Variants in PTCHD4 observed in about 807,000 individuals in gnomAD.
PTCHD4 encodes patched domain-containing protein 4.
Under a neutral mutation model 58.1 loss-of-function variants are expected in PTCHD4, and 33 were observed. The observed-to-expected ratio is 0.57, with a 90% CI of 0.43 to 0.76. The LOEUF (loss-of-function observed/expected upper bound fraction) is 0.76, where lower values mean the gene tolerates loss of function less well. PTCHD4 is among the 30% of genes least tolerant of loss of function. The probability of loss-of-function intolerance (pLI) is 0.00; values close to 1 mark genes in which losing one functional copy is unlikely to be tolerated. For synonymous variants in PTCHD4, 478 were observed against 409.6 expected, an observed-to-expected ratio of 1.17 and a Z score of -2.02; for missense variants, 1,058 against 1,027.1, an observed-to-expected ratio of 1.03 and a Z score of -0.41.
intron 1 of PTCHD4, among the ~76,000 whole-genome samples, chr6:48,088,820 G>GA (rs1765310128): frequency 6.6e-6 from 1 of 152,114 alleles, no homozygotes; most frequent in African/African-American, 2.4e-5. Context: ...GAGGCGGGTG[G>GA]ATTACCTGAG....
At chr6:48,054,820 G>A (rs1764351813) in intron 3 of PTCHD4, among the ~76,000 whole-genome samples, 1 of 152,134 alleles carries the variant, frequency 6.6e-6, no homozygotes, top group Non-Finnish European at 1.5e-5. Context: ...TGCAGGGATG[G>A]TAAGTGATTT....
chr6:48,000,926 T>C (rs1768695202), intron 4 of PTCHD4, among the ~76,000 whole-genome samples: 2 of 152,152 alleles, frequency 1.3e-5, no homozygotes, highest in Admixed American at 6.6e-5. Flanking sequence ...GAAAGAACAA[T>C]GTGCAAAAAT....
At position 48,008,630 on chromosome 6, in the gene PTCHD4, T is replaced by A; in HGVS notation, c.898+4A>T. ...ATCCGATTACCACAAGGATGGATAG[T>A]TACCCATGGCGAAGAACGGGATTCC... is the stretch of plus-strand genomic sequence containing the variant. On this transcript the variant is annotated splice_donor_region_variant and intron_variant, in intron 4 of 4. Coordinates refer to ENST00000339488, the MANE Select transcript of PTCHD4 (RefSeq NM_001384253.1). The A allele has an allele frequency of 6.2e-7, 1 of 1,612,026 alleles. No individual in the cohort carries two copies. Among genetic ancestry groups the A allele is most frequent in the Non-Finnish European group, 8.5e-7 (1 of 1,178,962 alleles).
In PTCHD4 at chr6:48,099,763, C is replaced by CT. The variant is rs201005743; in HGVS notation, c.-970+11285dup. 2.6e-5 allele frequency among the ~76,000 whole-genome samples: 4 copies of CT among 152,318 alleles called. No individual in the cohort carries two copies. In the East Asian group the frequency reaches 7.7e-4, roughly 29 times the overall value. On this transcript the variant is annotated intron_variant, in intron 1 of 4. Transcript: ENST00000339488. ...CTTCTAGGCTATGCTGTGAATGGAG[C>CT]TTTCTGAATTAGGTGTTTTGATGCA...
chr6:47,910,507 A>T (rs1422523316), intron 4 of PTCHD4, among the ~76,000 whole-genome samples: 1 of 152,126 alleles, frequency 6.6e-6, no homozygotes, highest in Non-Finnish European at 1.5e-5. Flanking sequence ...TTTAGAAACA[A>T]TTTTCCAGTC....
rs2114051839 is a variant in PTCHD4, at chr6:47,858,084, G to C, written c.*20219C>G. Reference sequence around the variant, plus strand: ...CCACCATCTATGGACATTTGAATTTGAGTGTTGTCCATGTACTTCCTTGTT... The same window carrying C: ...CCACCATCTATGGACATTTGAATTTCAGTGTTGTCCATGTACTTCCTTGTT... On this transcript the variant is annotated 3_prime_UTR_variant, in exon 5 of 5. Transcript: ENST00000339488. Among the ~76,000 whole-genome samples the C allele has an allele frequency of 6.6e-6, 1 of 152,148 alleles. No homozygotes were observed. Among genetic ancestry groups the C allele is most frequent in the South Asian group, 2.1e-4 (1 of 4,822 alleles).
At chr6:48,096,250 T>C (rs1292164069) in intron 1 of PTCHD4, among the ~76,000 whole-genome samples, 2 of 151,904 alleles carry the variant, frequency 1.3e-5, no homozygotes, top group Non-Finnish European at 2.9e-5. Context: ...GGATAGAGAT[T>C]GAATGTGGAA....
intron 1 of PTCHD4, among the ~76,000 whole-genome samples, chr6:48,079,162 A>C (rs1004751761): frequency 6.6e-6 from 1 of 151,392 alleles, no homozygotes; most frequent in Admixed American, 6.6e-5. Flanking sequence ...CCAAAAGTGT[A>C]TGCTTACATT....
Position 47,878,085 on chromosome 6 carries a change from T to C in PTCHD4, c.*218A>G, listed in dbSNP as rs1235527947. ...CTCTCAGATTACATCCAGAAACTTG[T>C]TTTTAGAGGAGAACAAGGTTGCAAA... On this transcript the variant is annotated 3_prime_UTR_variant, in exon 5 of 5. Coordinates refer to ENST00000339488, the MANE Select transcript of PTCHD4 (RefSeq NM_001384253.1). 2 of 430,490 alleles carry C rather than the reference T, an allele frequency of 4.6e-6. No homozygotes were observed. Among genetic ancestry groups the C allele is most frequent in the East Asian group, 7.1e-5 (2 of 28,114 alleles). The allele number at this position is 430,490 out of a possible 1,614,324, so 26.7% of individuals were successfully genotyped here.
intron 1 of PTCHD4, among the ~76,000 whole-genome samples, chr6:48,073,365 T>C (rs1765009060): frequency 2.0e-5 from 3 of 152,344 alleles, no homozygotes; most frequent in Admixed American, 6.5e-5. Flanking sequence ...CATAATTTAC[T>C]TCCTAGATGT....
intron 4 of PTCHD4, among the ~76,000 whole-genome samples, chr6:47,893,431 C>G (rs971360634): frequency 2.0e-5 from 3 of 152,124 alleles, no homozygotes; most frequent in South Asian, 2.1e-4. Flanking sequence ...CATTTTGGTC[C>G]CAGTTCTGGC....
chr6:47,904,013 G>A (rs1434000412), intron 4 of PTCHD4, among the ~76,000 whole-genome samples: 2 of 152,190 alleles, frequency 1.3e-5, no homozygotes, highest in African/African-American at 4.8e-5. Flanking sequence ...ACTGAAGCAG[G>A]AGACTGCCTG....
At chr6:47,971,231 G>T (rs1447042932) in intron 4 of PTCHD4, among the ~76,000 whole-genome samples, 1 of 151,988 alleles carries the variant, frequency 6.6e-6, no homozygotes, top group Non-Finnish European at 1.5e-5. Context: ...GCTTCAGAAA[G>T]TTAAGAAAAG....
intron 4 of PTCHD4, among the ~76,000 whole-genome samples, chr6:47,918,140 G>A (rs1392368765): frequency 2.0e-5 from 3 of 152,004 alleles, no homozygotes; most frequent in Non-Finnish European, 2.9e-5. Context: ...CAGCTGCAGA[G>A]GGCATTCACA....
At chr6:48,085,498 C>G (rs1321458600) in intron 1 of PTCHD4, among the ~76,000 whole-genome samples, 1 of 152,152 alleles carries the variant, frequency 6.6e-6, no homozygotes, top group African/African-American at 2.4e-5. Context: ...TCATCAAGAA[C>G]CAAGAAAAGC....
chr6:47,968,885 G>A (rs915615704), intron 4 of PTCHD4, among the ~76,000 whole-genome samples: 14 of 151,924 alleles, frequency 9.2e-5, no homozygotes, highest in African/African-American at 3.1e-4. Flanking sequence ...CCAAATAATG[G>A]GCTGTACATT....
chr6:48,047,391 T>C (rs2114163057), intron 3 of PTCHD4, among the ~76,000 whole-genome samples: 1 of 152,036 alleles, frequency 6.6e-6, no homozygotes, highest in East Asian at 1.9e-4. Flanking sequence ...TTACTCTCAG[T>C]GGACCTAAAT....
chr6:48,064,733 A>G (rs1346193550), intron 3 of PTCHD4, among the ~76,000 whole-genome samples: 1 of 152,148 alleles, frequency 6.6e-6, no homozygotes, highest in Non-Finnish European at 1.5e-5. Flanking sequence ...TTTGTTGTGA[A>G]TACTATCTAC....
rs980878186 is a variant in PTCHD4 at position 47,858,238 on chromosome 6, T to G, written c.*20065A>C. ...TTGATTTTATAGCAGGCACCCCCAA[T>G]TTTGGATTCAGGGGCAGACATAAGA... On this transcript the variant is annotated 3_prime_UTR_variant, in exon 5 of 5. Transcript: ENST00000339488. Among the ~76,000 whole-genome samples the G allele has an allele frequency of 6.6e-6, 1 of 151,976 alleles. No homozygotes were observed. The highest frequency in any genetic ancestry group is 1.5e-5 in the Non-Finnish European group (1 of 67,934).
Sources: allele counts gnomAD v4.1 joint callset (sites outside exome capture counted in the v4.1 genomes callset), GRCh38; gene constraint gnomAD v4.1.1; transcripts MANE v1.5; gene names NCBI Gene and HGNC (gene_info 2026-07-23, HGNC 2026-07-21).